NAALADL2: variants seen among roughly 807,000 people sequenced by gnomAD.
NAALADL2 encodes N-acetylated alpha-linked acidic dipeptidase like 2, also known as inactive N-acetylated-alpha-linked acidic dipeptidase-like protein 2.
Under a neutral mutation model 87.2 loss-of-function variants are expected in NAALADL2, and 76 were observed. The observed-to-expected ratio is 0.87, with a 90% CI of 0.72 to 1.05. The LOEUF (loss-of-function observed/expected upper bound fraction) is 1.05. Among genes scored for constraint, NAALADL2 ranks in the 50% least tolerant of loss-of-function variants. NAALADL2 has a pLI of 0.00. For synonymous variants in NAALADL2, 354 were observed against 331.0 expected (o/e 1.07, Z -0.75); for missense variants, 1,089 against 945.8 (o/e 1.15, Z -1.99).
At chr3:174,822,226 G>C (rs111618948) in intron 3 of NAALADL2, among the ~76,000 whole-genome samples, 212 of 152,146 alleles carry the variant, frequency 1.4e-3, no homozygotes, top group African/African-American at 4.9e-3. Flanking sequence ...CACTATATGA[G>C]AGCGGATAGA....
chr3:174,797,456 G>A (rs950009727), intron 3 of NAALADL2, among the ~76,000 whole-genome samples: 3 of 151,404 alleles, frequency 2.0e-5, no homozygotes, highest in Admixed American at 6.6e-5. Flanking sequence ...AATTGCAGGC[G>A]CCTTCCACCA....
rs537593910 is a variant in NAALADL2 at position 174,742,208 on chromosome 3, T to C, written c.-9+4462T>C. ...AAATATTTATGGTGAGCCTATTATG[T>C]GTTAAGATACTATTTTGGGTAGTGG... On this transcript the variant is annotated intron_variant, in intron 3 of 3. Transcript: ENST00000434257. Among the ~76,000 whole-genome samples the C allele has an allele frequency of 1.7e-3, 254 of 151,866 alleles. 1 individual carries two copies. The highest frequency in any genetic ancestry group is 6.0e-3 in the African/African-American group (249 of 41,524).
intron 5 of NAALADL2, among the ~76,000 whole-genome samples, chr3:175,429,209 A>G (rs1012323947): frequency 5.9e-5 from 8 of 135,056 alleles, no homozygotes; most frequent in African/African-American, 2.1e-4. Context: ...ACACACACAC[A>G]CATATATATA....
chr3:174,838,585 C>A (rs192588337), intron 3 of NAALADL2, among the ~76,000 whole-genome samples: 1 of 152,174 alleles, frequency 6.6e-6, no homozygotes, highest in East Asian at 1.9e-4. Context: ...GATTGTTTAC[C>A]TAGAAAACTC....
rs1270631479 is a variant in NAALADL2 at position 174,839,823 on chromosome 3, CATAATAAAAAAAAA to C, written c.-9+102092_-9+102105del. ...ACCACCTTACTCCTGAACGAATGGC[CATAATAAAAAAAAA>C]ATAATAAAAAAAAATAGTTGTTCGC... On this transcript the variant is annotated intron_variant, in intron 3 of 3. Transcript: ENST00000434257. Among the ~76,000 whole-genome samples, 4 of 147,288 alleles carry C rather than the reference CATAATAAAAAAAAA, an allele frequency of 2.7e-5. No homozygotes were observed. In the East Asian group the frequency reaches 5.8e-4, roughly 21 times the overall value.
intron 1 of NAALADL2, among the ~76,000 whole-genome samples, chr3:174,944,452 C>G (rs998498558): frequency 2.6e-5 from 4 of 152,148 alleles, no homozygotes; most frequent in Non-Finnish European, 5.9e-5. Flanking sequence ...AGCTCTGTCT[C>G]AGGGAGGTAC....
Position 175,782,673 on chromosome 3 carries a change from G to A in NAALADL2, c.2190-20332G>A, listed in dbSNP as rs572551525. Among the ~76,000 whole-genome samples, 309 of 133,726 alleles carry A rather than the reference G, an allele frequency of 2.3e-3. 2 individuals carry two copies. Among genetic ancestry groups the A allele is most frequent in the Non-Finnish European group, 3.3e-3 (216 of 65,008 alleles). 87.7% of individuals were successfully genotyped at this position (133,726 alleles called of 152,430 possible). The stretch of plus-strand genomic sequence containing the variant: ...TGTAGGTTGCCTGTTCACTCTGATG[G>A]TAGTTTCTTTTGCTGTGCAGAAGCT... On this transcript the variant is annotated intron_variant, in intron 13 of 13. Transcript: ENST00000454872.
intron 2 of NAALADL2, among the ~76,000 whole-genome samples, chr3:174,618,041 C>A (rs1420341752): frequency 6.6e-6 from 1 of 151,626 alleles, no homozygotes; most frequent in Non-Finnish European, 1.5e-5. Flanking sequence ...AGAAGAAATT[C>A]TTGACAGCAT....
intron 2 of NAALADL2, among the ~76,000 whole-genome samples, chr3:174,607,735 C>T (rs569839796): frequency 4.2e-4 from 64 of 152,256 alleles, no homozygotes; most frequent in African/African-American, 1.5e-3. Context: ...TAACACCCCC[C>T]TGTCAACATT....
chr3:174,665,121 T>G (rs1327250607), intron 2 of NAALADL2, among the ~76,000 whole-genome samples: 2 of 152,154 alleles, frequency 1.3e-5, no homozygotes, highest in East Asian at 3.8e-4. Flanking sequence ...CTCAGCAGAC[T>G]TGAGAAAGAA....
intron 4 of NAALADL2, among the ~76,000 whole-genome samples, chr3:175,282,095 G>A (rs1560286393): frequency 1.3e-5 from 2 of 151,966 alleles, no homozygotes; most frequent in African/African-American, 2.4e-5. Context: ...TTTTATGATT[G>A]AATTATTTTA....
chr3:174,879,820 A>G (rs374426087), intron 1 of NAALADL2, among the ~76,000 whole-genome samples: 2 of 151,950 alleles, frequency 1.3e-5, no homozygotes, highest in East Asian at 3.9e-4. Context: ...CTCCAACTAT[A>G]CCCAAAGCTT....
intron 2 of NAALADL2, among the ~76,000 whole-genome samples, chr3:174,678,351 T>G (rs1431401297): frequency 6.6e-6 from 1 of 152,166 alleles, no homozygotes; most frequent in African/African-American, 2.4e-5. Flanking sequence ...ACAACAGTTA[T>G]CTAAGGTATA....
At chr3:175,790,486 ACACT>A (rs1248788695) in intron 13 of NAALADL2, among the ~76,000 whole-genome samples, 1 of 152,192 alleles carries the variant, frequency 6.6e-6, no homozygotes, top group Non-Finnish European at 1.5e-5. Context: ...TTTAACTGAA[ACACT>A]CATTATCAAT....
At chr3:174,512,114 A>C (rs1719635561) in intron 1 of NAALADL2, among the ~76,000 whole-genome samples, 1 of 152,150 alleles carries the variant, frequency 6.6e-6, no homozygotes, top group Admixed American at 6.5e-5. Context: ...ATATAATTTT[A>C]CATCTACCTT....
chr3:175,528,634 C>T (rs957753961), intron 9 of NAALADL2, among the ~76,000 whole-genome samples: 2 of 152,110 alleles, frequency 1.3e-5, no homozygotes, highest in African/African-American at 4.8e-5. Flanking sequence ...ACATAAACTT[C>T]AAATAAAGAC....
At chr3:175,608,380 T>G (rs1724081054) in intron 10 of NAALADL2, among the ~76,000 whole-genome samples, 1 of 151,718 alleles carries the variant, frequency 6.6e-6, no homozygotes, top group Admixed American at 6.6e-5. Context: ...TTTAAAAAAT[T>G]TCCACAATAT....
rs372426951 is a variant in NAALADL2 at position 174,528,051 on chromosome 3, G to C, written c.-183-22518G>C. 5.3e-5 allele frequency among the ~76,000 whole-genome samples: 8 copies of C among 152,198 alleles called. 1 individual carries two copies. In the South Asian group the frequency reaches 1.7e-3, roughly 32 times the overall value. ...GACAGCAGACTGAATAGTTGCAACA[G>C]GTGCCGTGTGGCCAGAAAAGCCAAA... On this transcript the variant is annotated intron_variant, in intron 1 of 3. Coordinates refer to the NAALADL2 transcript ENST00000434257.
chr3:175,725,205 T>C (rs997388115), intron 11 of NAALADL2, among the ~76,000 whole-genome samples: 2 of 152,146 alleles, frequency 1.3e-5, no homozygotes, highest in Non-Finnish European at 2.9e-5. Context: ...GTTATATGTT[T>C]CTTTAGCATT....
Sources: allele counts gnomAD v4.1 joint callset (sites outside exome capture counted in the v4.1 genomes callset), GRCh38; gene constraint gnomAD v4.1.1; transcripts MANE v1.5; gene names NCBI Gene and HGNC (gene_info 2026-07-23, HGNC 2026-07-21).